COL25A1: variants seen among roughly 807,000 people sequenced by gnomAD.
COL25A1 encodes collagen type XXV alpha 1 chain.
A neutral mutation model predicts 128.4 loss-of-function variants in COL25A1; 103 were observed. The observed-to-expected ratio is 0.80, with a 90% CI of 0.68 to 0.94. The LOEUF is 0.94. Among genes scored for constraint, COL25A1 ranks in the 40% least tolerant of loss-of-function variants. COL25A1 has a pLI of 0.00. For synonymous variants in COL25A1, 279 were observed against 277.2 expected (o/e 1.01, Z -0.06); for missense variants, 745 against 840.0 (o/e 0.89, Z 1.40).
intron 3 of COL25A1, among the ~76,000 whole-genome samples, chr4:109,266,820 CTT>C (rs903542934): frequency 2.0e-5 from 3 of 152,182 alleles, no homozygotes; most frequent in African/African-American, 7.2e-5. Flanking sequence ...GAACCCATGA[CTT>C]TTGTGCTGTT....
chr4:108,897,562 G>A (rs1455523751), intron 15 of COL25A1, among the ~76,000 whole-genome samples: 3 of 152,200 alleles, frequency 2.0e-5, no homozygotes, highest in African/African-American at 7.2e-5. Flanking sequence ...CCTGTGCAAT[G>A]TAATAGAAAG....
chr4:109,079,724 T>C (rs1377344810), intron 3 of COL25A1, among the ~76,000 whole-genome samples: 2 of 152,040 alleles, frequency 1.3e-5, no homozygotes, highest in Admixed American at 6.6e-5. Flanking sequence ...TCCAGCATTC[T>C]GGAGCTGATA....
intron 19 of COL25A1, among the ~76,000 whole-genome samples, chr4:108,869,747 G>A (rs1347010918): frequency 6.6e-6 from 1 of 152,022 alleles, no homozygotes; most frequent in Non-Finnish European, 1.5e-5. Context: ...AAATATAAGA[G>A]TTTACCCAAA....
Position 109,208,390 on chromosome 4 carries a change from C to T in COL25A1, c.367+92193G>A, listed in dbSNP as rs548700425. 1.2e-3 allele frequency among the ~76,000 whole-genome samples: 178 copies of T among 151,892 alleles called. 1 individual carries two copies. Among genetic ancestry groups the T allele is most frequent in the African/African-American group, 4.2e-3 (172 of 41,406 alleles). On this transcript the variant is annotated intron_variant, in intron 3 of 37. Transcript: ENST00000399132. ...CTTTTTAGCAGACGCTGTTCCACGC[C>T]CTAAGGATGCAGCCTCCACCTCACT...
chr4:109,197,478 ATTATATAT>A (rs1560851062), intron 3 of COL25A1, among the ~76,000 whole-genome samples: 74 of 117,378 alleles, frequency 6.3e-4, no homozygotes, highest in Non-Finnish European at 9.9e-4. Context: ...TATAATATAT[ATTATATAT>A]TATATATAAA....
intron 3 of COL25A1, among the ~76,000 whole-genome samples, chr4:109,174,666 T>G (rs1445999399): frequency 6.6e-6 from 1 of 152,208 alleles, no homozygotes; most frequent in Non-Finnish European, 1.5e-5. Flanking sequence ...GTTGCGTTAT[T>G]GTGTGTTCCA....
chr4:109,020,208 T>C (rs1227702785), intron 5 of COL25A1, among the ~76,000 whole-genome samples: 1 of 152,208 alleles, frequency 6.6e-6, no homozygotes. Flanking sequence ...AGAACTCTTA[T>C]ACACTTGACT....
chr4:109,130,641 TA>T (rs1769109795), intron 3 of COL25A1, among the ~76,000 whole-genome samples: 1 of 151,868 alleles, frequency 6.6e-6, no homozygotes, highest in African/African-American at 2.4e-5. Flanking sequence ...AGCAAACAAG[TA>T]AAGAGAAAAA....
chr4:108,816,505 T>C (rs1731267202), intron 37 of COL25A1, among the ~76,000 whole-genome samples: 1 of 152,228 alleles, frequency 6.6e-6, no homozygotes, highest in African/African-American at 2.4e-5. Flanking sequence ...TTCAGTAGCA[T>C]GTGCACAGCC....
chr4:108,811,508 C>A lies in COL25A1; in HGVS notation c.*2419G>T, dbSNP rs1201792921. ...GCTGTGCAAGTTTTAAATAGTGATC[C>A]ATTTCAATCCACCTCTTTCTACTAG... On this transcript the variant is annotated 3_prime_UTR_variant, in exon 38 of 38. Coordinates refer to ENST00000399132, the MANE Select transcript of COL25A1 (RefSeq NM_198721.4). The A allele has an allele frequency of 1.3e-5, 2 of 151,930 alleles. No individual in the cohort carries two copies. The highest frequency in any genetic ancestry group is 4.8e-5 in the African/African-American group (2 of 41,394). The allele number at this position is 151,930 out of a possible 1,614,324, so 9.4% of individuals were successfully genotyped here. A position where few individuals can be genotyped will look rare whatever the true frequency, so the allele number is the denominator to read the frequency against.
chr4:109,120,109 C>T (rs1375264346), intron 3 of COL25A1, among the ~76,000 whole-genome samples: 1 of 151,930 alleles, frequency 6.6e-6, no homozygotes, highest in Admixed American at 6.6e-5. Context: ...AAACTCTCAG[C>T]AAATTAATAC....
chr4:109,212,001 T>C (rs1232842163), intron 3 of COL25A1, among the ~76,000 whole-genome samples: 6 of 152,126 alleles, frequency 3.9e-5, no homozygotes, highest in East Asian at 1.9e-4. Context: ...ACTCTGAGTC[T>C]CAGTTTCCTC....
intron 3 of COL25A1, among the ~76,000 whole-genome samples, chr4:109,229,993 A>C (rs1246276653): frequency 6.6e-6 from 1 of 152,186 alleles, no homozygotes. Context: ...GGAACTTCAC[A>C]TGGCAAAAGC....
chr4:109,081,503 C>T (rs559297878), intron 3 of COL25A1, among the ~76,000 whole-genome samples: 49 of 152,210 alleles, frequency 3.2e-4, no homozygotes, highest in African/African-American at 1.1e-3. Flanking sequence ...ATGTAATTCA[C>T]ATACCATACA....
intron 8 of COL25A1, among the ~76,000 whole-genome samples, chr4:108,968,603 G>A (rs1751580939): frequency 6.6e-6 from 1 of 151,718 alleles, no homozygotes; most frequent in Non-Finnish European, 1.5e-5. Context: ...GTAAGTGTGA[G>A]TATTTTTAAA....
At chr4:108,880,494 T>C (rs1343008538) in intron 19 of COL25A1, among the ~76,000 whole-genome samples, 1 of 152,250 alleles carries the variant, frequency 6.6e-6, no homozygotes, top group Non-Finnish European at 1.5e-5. Flanking sequence ...AGAACATGTG[T>C]GTAACCAATG....
At chr4:108,877,407 C>A (rs1560791861) in intron 19 of COL25A1, among the ~76,000 whole-genome samples, 1 of 151,828 alleles carries the variant, frequency 6.6e-6, no homozygotes, top group Non-Finnish European at 1.5e-5. Flanking sequence ...GAGCATTAAA[C>A]CTCTCTCTCT....
At chr4:109,111,263 G>A (rs1362244274) in intron 3 of COL25A1, among the ~76,000 whole-genome samples, 1 of 152,202 alleles carries the variant, frequency 6.6e-6, no homozygotes, top group East Asian at 1.9e-4. Context: ...GTGAAGGCCA[G>A]AATCCAGTCC....
In COL25A1 at chr4:109,135,648, G is replaced by A. The variant is rs540638639; in HGVS notation, c.368-85469C>T. 9.0e-3 allele frequency among the ~76,000 whole-genome samples: 1,008 copies of A among 112,218 alleles called. 12 individuals are homozygous for A. Among genetic ancestry groups the A allele is most frequent in the African/African-American group, 0.051 (934 of 18,260 alleles). 73.6% of individuals were successfully genotyped at this position (112,218 alleles called of 152,430 possible). A position where few individuals can be genotyped will look rare whatever the true frequency, so the allele number is the denominator to read the frequency against. ...ACAATTGAAGCTTCACTTAAATGGA[G>A]CTTTTTTTTTCTTAATCTTATTCTC... is the stretch of plus-strand genomic sequence containing the variant. On this transcript the variant is annotated intron_variant, in intron 3 of 37. Coordinates refer to ENST00000399132, the MANE Select transcript of COL25A1 (RefSeq NM_198721.4).
Sources: allele counts gnomAD v4.1 joint callset (sites outside exome capture counted in the v4.1 genomes callset), GRCh38; gene constraint gnomAD v4.1.1; transcripts MANE v1.5; gene names NCBI Gene and HGNC (gene_info 2026-07-23, HGNC 2026-07-21).